The following PPIL3 variants were observed in gnomAD, a reference collection of about 807,000 sequenced individuals.
PPIL3 encodes the protein peptidyl-prolyl cis-trans isomerase-like 3.
Under a neutral mutation model 20.9 loss-of-function variants are expected in PPIL3, and 13 were observed. That is an observed-to-expected ratio of 0.62 (90% CI 0.40 to 0.99). The LOEUF is 0.99. Ranked by LOEUF, PPIL3 falls within the 50% of genes least tolerant of loss-of-function variation. PPIL3 has a pLI of 0.00. For synonymous variants in PPIL3, 71 were observed against 64.4 expected, an observed-to-expected ratio of 1.10 and a Z score of -0.49; for missense variants, 170 against 195.2, an observed-to-expected ratio of 0.87 and a Z score of 0.77.
At chr2:200,885,923 T>C in intron 2 of PPIL3, 151 bp from the exon 3 acceptor site, 1 of 532,940 alleles carries the variant, frequency 1.9e-6, no homozygotes, top group Non-Finnish European at 3.3e-6. Flanking sequence ...AAAGCAGCTC[T>C]TAGAGGTTAA....
At position 200,871,499 on chromosome 2, in the gene PPIL3, G is replaced by C. The variant is rs1418951861; in HGVS notation, c.382C>G (p.Leu128Val). 4.3e-6 allele frequency: 7 copies of C among 1,612,754 alleles called. No individual in the cohort carries two copies. The Admixed American group carries it at 5.0e-5, about 12-fold the overall frequency. ...FGKVIDGLET[L>V]DELEKLPVNE... ...ACTGGCAACTTCTCCAACTCATCTA[G>C]AGTTTCCAGACCATCTATTACCCTG... The change falls in exon 7 of 7, where the codon CTA (leucine) becomes GTA (valine). Residue 128 changes from leucine (L) to valine (V), a missense_variant. Transcript: ENST00000392283.
intron 4 of PPIL3, 87 bp from the exon 5 acceptor site, chr2:200,881,575 G>T: frequency 1.8e-6 from 2 of 1,092,764 alleles, no homozygotes; most frequent in Non-Finnish European, 2.7e-6. Flanking sequence ...ATACTTTATA[G>T]TTTGACTGCT....
intron 2 of PPIL3, chr2:200,887,120 C>G (rs1244652439): frequency 6.6e-6 from 1 of 152,662 alleles, no homozygotes; most frequent in Non-Finnish European, 1.5e-5. Flanking sequence ...CGAGTTGGCT[C>G]ACGCCTGTAA....
Position 200,871,291 on chromosome 2 carries a change from A to C in PPIL3, c.*104T>G, listed in dbSNP as rs1208971230. 7.9e-7 allele frequency: 1 copy of C among 1,261,668 alleles called. No homozygotes were observed. The highest frequency in any genetic ancestry group is 2.4e-5 in the East Asian group (1 of 41,394). The allele number at this position is 1,261,668 out of a possible 1,614,324, so 78.2% of individuals were successfully genotyped here. The stretch of plus-strand genomic sequence containing the variant: ...CATTTCATAGAAGATCATAGTTGTA[A>C]ACAAGCAGAAGGATGATGCAATCTC... On this transcript the variant is annotated 3_prime_UTR_variant, in exon 7 of 7. Coordinates refer to ENST00000392283, the MANE Select transcript of PPIL3 (RefSeq NM_130906.3).
intron 6 of PPIL3, among the ~76,000 whole-genome samples, chr2:200,872,273 G>A (rs559653514): frequency 6.6e-6 from 1 of 152,152 alleles, no homozygotes; most frequent in East Asian, 1.9e-4. Flanking sequence ...CCAAATGGAG[G>A]AGATGCATAG....
chr2:200,886,641 G>T (rs2039947175), intron 2 of PPIL3, among the ~76,000 whole-genome samples: 1 of 152,110 alleles, frequency 6.6e-6, no homozygotes, highest in Non-Finnish European at 1.5e-5. Context: ...GGCCAGGCTG[G>T]TCTCGAACTC....
chr2:200,883,228 A>G (rs886191443), intron 3 of PPIL3, among the ~76,000 whole-genome samples: 17 of 147,018 alleles, frequency 1.2e-4, no homozygotes, highest in Non-Finnish European at 2.2e-4. Flanking sequence ...TGCTGGAATT[A>G]CAGGTGTGAG....
At chr2:200,882,262 G>T in intron 4 of PPIL3, 80 bp downstream of exon 4, 1 of 934,028 alleles carries the variant, frequency 1.1e-6, no homozygotes, top group Non-Finnish European at 1.7e-6. Flanking sequence ...AAAACTCCAC[G>T]TATTTAATTC....
rs1575108673 is a variant in PPIL3, at chr2:200,881,468, T to C, written c.193A>G (p.Ser65Gly). 1 of 1,613,330 alleles carries C rather than the reference T, an allele frequency of 6.2e-7. No individual in the cohort carries two copies. The highest frequency in any genetic ancestry group is 8.5e-7 in the Non-Finnish European group (1 of 1,179,590). ...DPTGTGRGGN[S>G]IWGKKFEDEY... ...TCCTCAAACTTCTTGCCCCAAATAC[T>C]GTTGCCTCCTCTTCCAGTTCCTACA... Residue 65 changes from serine to glycine, a missense_variant, in exon 5 of 7, where the codon AGT becomes GGT. Physicochemically the swap from Ser to Gly is moderately conservative, Grantham distance 56. Transcript: ENST00000392283.
chr2:200,887,581 A>C, intron 2 of PPIL3, 32 bp downstream of exon 2: 1 of 1,534,204 alleles, frequency 6.5e-7, no homozygotes, highest in Non-Finnish European at 8.9e-7. Context: ...CTTATAATGA[A>C]AGACATTAGA....
intron 3 of PPIL3, 152 bp downstream of exon 3, chr2:200,885,546 T>C (rs1559343290): frequency 6.5e-6 from 4 of 612,116 alleles, no homozygotes; most frequent in Non-Finnish European, 1.1e-5. Context: ...GACAAATAAG[T>C]GGAAATCAGG....
chr2:200,884,770 A>C (rs1204841973), intron 3 of PPIL3: 2 of 152,194 alleles, frequency 1.3e-5, no homozygotes. Context: ...ACAATTCTTT[A>C]ATATAATATC....
intron 2 of PPIL3, among the ~76,000 whole-genome samples, chr2:200,887,277 C>T (rs1007063108): frequency 1.3e-5 from 2 of 148,582 alleles, no homozygotes; most frequent in African/African-American, 5.0e-5. Flanking sequence ...TCTCAGCTAC[C>T]GGGGAGGCTA....
At chr2:200,889,236 G>A (rs1304076629), upstream of PPIL3, 2 of 347,850 alleles carry the variant, frequency 5.7e-6, no homozygotes, top group Non-Finnish European at 1.1e-5. Flanking sequence ...AGTGTAAGGC[G>A]AAACTACCTG....
At chr2:200,885,882 A>G in intron 2 of PPIL3, 110 bp from the exon 3 acceptor site, 1 of 636,314 alleles carries the variant, frequency 1.6e-6, no homozygotes, top group Non-Finnish European at 2.7e-6. Context: ...AAAAACAGAC[A>G]GAAATACTGC....
In PPIL3 at chr2:200,885,723, C is replaced by T. The variant is rs1489579736; in HGVS notation, c.53G>A (p.Cys18Tyr). 6.3e-7 allele frequency: 1 copy of T among 1,590,178 alleles called. No individual in the cohort carries two copies. Among genetic ancestry groups the T allele is most frequent in the African/African-American group, 1.3e-5 (1 of 74,418 alleles). Residue 18 changes from cysteine (C) to tyrosine (Y), a missense_variant, in exon 3 of 7, where the codon TGT (cysteine) becomes TAT (tyrosine). Physicochemically the swap from Cys to Tyr is radical, Grantham distance 194. Transcript: ENST00000392283. Reference protein sequence around the residue: ...DVGDIKIEVFCERTPKTCENF... With the variant: ...DVGDIKIEVFYERTPKTCENF... ...CTCACATGTTTTGGGTGTCCTCTCA[C>T]AGAAGACTTCAATTTTAATATCACC...
chr2:200,887,719 T>C (rs2040000644), intron 1 of PPIL3, 34 bp from the exon 2 acceptor site: 2 of 973,058 alleles, frequency 2.1e-6, no homozygotes, highest in East Asian at 5.0e-5. Flanking sequence ...TTAGGCTCAT[T>C]TTCCTGTCTT....
At chr2:200,871,652 C>T (rs2039310062) in intron 6 of PPIL3, 131 bp from the exon 7 acceptor site, 3 of 760,284 alleles carry the variant, frequency 3.9e-6, no homozygotes, top group Non-Finnish European at 4.1e-6. Flanking sequence ...GTTGAATGTA[C>T]AACAAAATGT....
intron 5 of PPIL3, among the ~76,000 whole-genome samples, chr2:200,881,165 A>C (rs2039707213): frequency 1.3e-5 from 2 of 152,234 alleles, no homozygotes; most frequent in South Asian, 4.1e-4. Flanking sequence ...ACTACTAGTT[A>C]AACATTTCAG....
Sources: allele counts gnomAD v4.1 joint callset (sites outside exome capture counted in the v4.1 genomes callset), GRCh38; gene constraint gnomAD v4.1.1; transcripts MANE v1.5; gene names NCBI Gene and HGNC (gene_info 2026-07-23, HGNC 2026-07-21).